SETD7: variants seen among roughly 807,000 people sequenced by gnomAD.
The protein encoded by SETD7 is SET domain containing 7, histone lysine methyltransferase, also known as histone-lysine N-methyltransferase SETD7.
In SETD7, 16 loss-of-function variants were observed where a neutral mutation model predicts 41.8. That is an observed-to-expected ratio of 0.38 (90% CI 0.26 to 0.58). SETD7 has a LOEUF of 0.58. Ranked by LOEUF, SETD7 falls within the 20% of genes least tolerant of loss-of-function variation. The probability of loss-of-function intolerance (pLI) is 0.64; values close to 1 mark genes in which losing one functional copy is unlikely to be tolerated. For missense variants in SETD7, 346 were observed against 459.7 expected (o/e 0.75, Z 2.26); for synonymous variants, 163 against 169.7 (o/e 0.96, Z 0.31).
intron 6 of SETD7, among the ~76,000 whole-genome samples, chr4:139,519,676 A>C (rs533900406): frequency 4.6e-5 from 7 of 152,378 alleles, no homozygotes; most frequent in Admixed American, 2.6e-4. Context: ...CATACACGTA[A>C]TATAAGTCAG....
chr4:139,517,816 T>C, intron 7 of SETD7, 69 bp downstream of exon 7: 1 of 1,494,844 alleles, frequency 6.7e-7, no homozygotes, highest in South Asian at 1.3e-5. Flanking sequence ...AATAACACTT[T>C]TTACTGCCCT....
chr4:139,493,480 T>C (rs1309268996), downstream of SETD7, among the ~76,000 whole-genome samples: 6 of 151,690 alleles, frequency 4.0e-5, no homozygotes, highest in East Asian at 1.2e-3. Flanking sequence ...GATTTTATTC[T>C]AGCTGCAATG....
chr4:139,554,162 C>G (rs1248377264), intron 1 of SETD7, among the ~76,000 whole-genome samples: 1 of 152,188 alleles, frequency 6.6e-6, no homozygotes, highest in Non-Finnish European at 1.5e-5. Context: ...ATAGTGTGCC[C>G]TCTCATTCTC....
intron 7 of SETD7, among the ~76,000 whole-genome samples, chr4:139,499,041 A>G (rs1726519325): frequency 6.6e-6 from 1 of 152,208 alleles, no homozygotes; most frequent in Non-Finnish European, 1.5e-5. Flanking sequence ...CCACCTGAGC[A>G]ACAAAGCAAG....
intron 5 of SETD7, among the ~76,000 whole-genome samples, chr4:139,521,050 A>G (rs1284324488): frequency 1.3e-5 from 2 of 152,210 alleles, no homozygotes; most frequent in East Asian, 1.9e-4. Context: ...GAGTAGTTGC[A>G]ACAGATATTA....
chr4:139,522,078 T>C (rs1727191715), intron 5 of SETD7, among the ~76,000 whole-genome samples: 2 of 152,226 alleles, frequency 1.3e-5, no homozygotes, highest in South Asian at 4.1e-4. Context: ...GACTAACACG[T>C]ATGGCTATGG....
chr4:139,526,962 C>T (rs1313320231), intron 4 of SETD7, among the ~76,000 whole-genome samples: 1 of 152,080 alleles, frequency 6.6e-6, no homozygotes, highest in Non-Finnish European at 1.5e-5. Flanking sequence ...ATAAACTTTT[C>T]ATTTTGGAGT....
intron 1 of SETD7, among the ~76,000 whole-genome samples, chr4:139,553,385 C>A (rs1728165821): frequency 6.6e-6 from 1 of 152,206 alleles, no homozygotes; most frequent in African/African-American, 2.4e-5. Flanking sequence ...TCTGTCAGAA[C>A]CAACCTCTAC....
rs1726879785 is a variant in SETD7 at position 139,511,633 on chromosome 4, C to T, written c.*30G>A. 1 of 1,613,014 alleles carries T rather than the reference C, an allele frequency of 6.2e-7. No homozygotes were observed. Reference sequence around the variant, plus strand: ...TAGTGCATAGATCCAAGTTTCTATTCCAGGTCTCTGAACCCCAAAGCCAGG... The same window carrying T: ...TAGTGCATAGATCCAAGTTTCTATTTCAGGTCTCTGAACCCCAAAGCCAGG... On this transcript the variant is annotated 3_prime_UTR_variant, in exon 8 of 8. Coordinates refer to ENST00000274031, the MANE Select transcript of SETD7 (RefSeq NM_030648.4).
intron 6 of SETD7, among the ~76,000 whole-genome samples, chr4:139,518,536 T>C (rs1176716572): frequency 6.6e-6 from 1 of 152,106 alleles, no homozygotes; most frequent in African/African-American, 2.4e-5. Flanking sequence ...GCCAGGCAGC[T>C]CGACTTAACT....
At chr4:139,525,951 A>C (rs7680948) in intron 4 of SETD7, among the ~76,000 whole-genome samples, 45,164 of 152,130 alleles carry the variant, frequency 0.3, 6,973 homozygotes, top group East Asian at 0.47. Context: ...GTCTGCAGGA[A>C]TCTTGCCAAT....
At chr4:139,541,785 A>G (rs1727785856) in intron 2 of SETD7, among the ~76,000 whole-genome samples, 1 of 152,230 alleles carries the variant, frequency 6.6e-6, no homozygotes, top group African/African-American at 2.4e-5. Context: ...TTGTCATATA[A>G]TGAAGAAAAG....
In SETD7 at chr4:139,556,138, G is replaced by A. The variant is rs149192180; in HGVS notation, c.-1C>T. The A allele has an allele frequency of 5.8e-5, 93 of 1,597,570 alleles. No homozygotes were observed. The highest frequency in any genetic ancestry group is 1.7e-4 in the Middle Eastern group (1 of 6,024). On this transcript the variant is annotated 5_prime_UTR_variant, in exon 1 of 8. Coordinates refer to ENST00000274031, the MANE Select transcript of SETD7 (RefSeq NM_030648.4). ...CCACCATCTCGTCGTCGCTATCCATGGCGGCTGGGGACACTGCCCAGCTCG... is the reference window on the plus strand; with the variant it reads ...CCACCATCTCGTCGTCGCTATCCATAGCGGCTGGGGACACTGCCCAGCTCG...
At chr4:139,524,062 A>T (rs1028533267) in intron 4 of SETD7, among the ~76,000 whole-genome samples, 4 of 152,224 alleles carry the variant, frequency 2.6e-5, no homozygotes, top group Admixed American at 2.0e-4. Context: ...AGACAGCACT[A>T]AAGATAGATG....
In SETD7 at chr4:139,533,712, A is replaced by G. The variant is rs546782023; in HGVS notation, c.171-346T>C. On this transcript the variant is annotated intron_variant, in intron 2 of 7. Coordinates refer to ENST00000274031, the MANE Select transcript of SETD7 (RefSeq NM_030648.4). ...TCTGGTGTTACCTGTTCCACAAGCA[A>G]ACCATTCATGTCTAATTTCCCTCAA... Among the ~76,000 whole-genome samples, 7 of 152,334 alleles carry G rather than the reference A, an allele frequency of 4.6e-5. No individual in the cohort carries two copies. The South Asian group carries it at 8.3e-4, about 18-fold the overall frequency.
chr4:139,505,251 G>A (rs1326539805), downstream of SETD7, among the ~76,000 whole-genome samples: 1 of 152,172 alleles, frequency 6.6e-6, no homozygotes, highest in Non-Finnish European at 1.5e-5. Flanking sequence ...AGCTAATAAT[G>A]AGGTACTATG....
downstream of SETD7, among the ~76,000 whole-genome samples, chr4:139,503,354 G>A (rs564016076): frequency 1.6e-4 from 25 of 151,926 alleles, no homozygotes; most frequent in South Asian, 1.2e-3. Context: ...CGGAGAGAAG[G>A]GCAGGAGAGA....
chr4:139,549,587 C>T (rs896017735), intron 1 of SETD7, among the ~76,000 whole-genome samples: 1 of 151,350 alleles, frequency 6.6e-6, no homozygotes, highest in Non-Finnish European at 1.5e-5. Context: ...CTCACTCCCT[C>T]CTTCCCTCTT....
At chr4:139,505,904 T>C (rs1438989187), downstream of SETD7, 1 of 152,508 alleles carries the variant, frequency 6.6e-6, no homozygotes, top group East Asian at 1.9e-4. Context: ...CTGAAAATGA[T>C]AAATGGCTAA....
Sources: allele counts gnomAD v4.1 joint callset (sites outside exome capture counted in the v4.1 genomes callset), GRCh38; gene constraint gnomAD v4.1.1; transcripts MANE v1.5; gene names NCBI Gene and HGNC (gene_info 2026-07-23, HGNC 2026-07-21).